Variants in LOXHD1 observed in about 807,000 individuals in gnomAD.
LOXHD1 encodes the protein lipoxygenase homology domain-containing protein 1.
In LOXHD1, 205 loss-of-function variants were observed where a neutral mutation model predicts 248.2. That is an observed-to-expected ratio of 0.83 (90% CI 0.74 to 0.93). LOXHD1 has a LOEUF of 0.93. LOXHD1 is among the 40% of genes least tolerant of loss of function. The probability of loss-of-function intolerance (pLI) is 0.00; values close to 1 mark genes in which losing one functional copy is unlikely to be tolerated. For missense variants in LOXHD1, 2,930 were observed against 2,971.6 expected (o/e 0.99, Z 0.33); for synonymous variants, 1,113 against 1,162.8 (o/e 0.96, Z 0.87).
At chr18:46,531,859 C>T (rs2036087926) in intron 28 of LOXHD1, among the ~76,000 whole-genome samples, 1 of 152,142 alleles carries the variant, frequency 6.6e-6, no homozygotes, top group East Asian at 1.9e-4. Flanking sequence ...GAAGTTATCC[C>T]CAGATTTAAT....
At position 46,601,554 on chromosome 18, in the gene LOXHD1, C is replaced by A. The variant is rs764034738; in HGVS notation, c.884-87G>T. 6 of 1,520,026 alleles carry A rather than the reference C, an allele frequency of 3.9e-6. No homozygotes were observed. The East Asian group carries it at 1.2e-4, about 31-fold the overall frequency. The allele number at this position is 1,520,026 out of a possible 1,614,324, so 94.2% of individuals were successfully genotyped here. On this transcript the variant is annotated intron_variant, in intron 7 of 40. Transcript: ENST00000642948. Reference sequence around the variant, plus strand: ...CCTCCTCCCCTTCCTGGTTACAACACCCCCAAAGCCCTCCTCCTCCACACA... The same window carrying A: ...CCTCCTCCCCTTCCTGGTTACAACAACCCCAAAGCCCTCCTCCTCCACACA...
At chr18:46,559,160 G>A (rs774128233) in intron 20 of LOXHD1, 38 of 1,400,522 alleles carry the variant, frequency 2.7e-5, no homozygotes, top group South Asian at 4.9e-5. Flanking sequence ...TTGAACCCCC[G>A]CATCCCTACC....
At chr18:46,655,547 A>T (rs1212826224) in intron 1 of LOXHD1, among the ~76,000 whole-genome samples, 1 of 152,114 alleles carries the variant, frequency 6.6e-6, no homozygotes, top group Non-Finnish European at 1.5e-5. Flanking sequence ...CTCCCCTCAC[A>T]AGAGGGTCAG....
In LOXHD1 at chr18:46,639,723, T is replaced by A. The variant is rs952465234; in HGVS notation, c.404A>T (p.His135Leu). ...GTTGCAGTTGAAGTAGTAACGGAGA[T>A]GAGGCCTCTTCATGTCGGTCACAAT... is the stretch of plus-strand genomic sequence containing the variant. ...HVIVTDMKRP[H>L]LRYYFNCNNW... Residue 135 changes from histidine (H) to leucine (L), a missense_variant, in exon 4 of 41, where the codon CAT becomes CTT. Physicochemically the swap from His to Leu is moderately conservative, Grantham distance 99 (BLOSUM62 -3). Transcript: ENST00000642948. 7 of 1,551,610 alleles carry A rather than the reference T, an allele frequency of 4.5e-6. No homozygotes were observed. The African/African-American group carries it at 9.6e-5, about 21-fold the overall frequency.
Position 46,477,516 on chromosome 18 carries a change from G to A in LOXHD1, c.6778C>T (p.Arg2260Trp), listed in dbSNP as rs758776787. 4.1e-5 allele frequency: 64 copies of A among 1,550,882 alleles called. No homozygotes were observed. In the African/African-American group the frequency reaches 5.3e-4, roughly 13 times the overall value. ...FNCGRWLDKK[R>W]GDGLTWRDLF... ...TCTCTCCAGGTGAGTCCATCCCCCC[G>A]CTTCTTGTCCAGCCACCTGCCACAG... Residue 2260 changes from arginine (R) to tryptophan (W), a missense_variant, in exon 41 of 41, where the codon CGG becomes TGG. Transcript: ENST00000642948.
In LOXHD1 at chr18:46,560,524, C is replaced by A; in HGVS notation, c.2620G>T (p.Glu874Ter). The A allele has an allele frequency of 1.3e-6, 2 of 1,532,288 alleles. No individual in the cohort carries two copies. The highest frequency in any genetic ancestry group is 1.4e-5 in the African/African-American group (1 of 73,036). 94.9% of individuals were successfully genotyped at this position (1,532,288 alleles called of 1,614,324 possible). Residue 874 changes from glutamate (E) to a stop codon, truncating the protein, a stop_gained, in exon 19 of 41, where the codon GAG becomes TAG. Coordinates refer to ENST00000642948, the MANE Select transcript of LOXHD1 (RefSeq NM_001384474.1). LOFTEE classifies it high-confidence loss of function. ...TFQLEAADVG[E>*]VYKLRLGHTG... Reference sequence around the variant, plus strand: ...TGCCCGAGCCGGAGCTTATAGACCTCGCCCACGTCGGCCGCCTCAAGCTGT... The same window carrying A: ...TGCCCGAGCCGGAGCTTATAGACCTAGCCCACGTCGGCCGCCTCAAGCTGT...
intron 2 of LOXHD1, among the ~76,000 whole-genome samples, chr18:46,643,079 G>A (rs2038983784): frequency 6.6e-6 from 1 of 152,222 alleles, no homozygotes; most frequent in African/African-American, 2.4e-5. Flanking sequence ...GTAATAGACG[G>A]CTTTTAAGGT....
chr18:46,545,791 G>A (rs977512380), intron 22 of LOXHD1, among the ~76,000 whole-genome samples: 4 of 150,452 alleles, frequency 2.7e-5, no homozygotes, highest in Admixed American at 1.3e-4. Flanking sequence ...CACTACGCCC[G>A]GCTAATTTTT....
chr18:46,544,808 A>G (rs146312316), intron 23 of LOXHD1: 126 of 471,370 alleles, frequency 2.7e-4, no homozygotes, highest in African/African-American at 2.3e-3. Context: ...AGGTCCATTT[A>G]TTCTTCAATA....
At chr18:46,501,771 C>G (rs576293181) in intron 37 of LOXHD1, among the ~76,000 whole-genome samples, 1 of 152,118 alleles carries the variant, frequency 6.6e-6, no homozygotes, top group African/African-American at 2.4e-5. Flanking sequence ...ATAGTGAGAG[C>G]CAGCTGTAAT....
In LOXHD1 at chr18:46,557,825, G is replaced by A. The variant is rs2037405448; in HGVS notation, c.3217-336C>T. On this transcript the variant is annotated intron_variant, in intron 20 of 40. Transcript: ENST00000642948. ...GGTGGGTGTTTTGTGTGCAAGAGAG[G>A]GGGGTGCACTGAAACCCTCTGCAAT... 1.1e-5 allele frequency: 14 copies of A among 1,285,762 alleles called. No individual in the cohort carries two copies. The East Asian group carries it at 1.5e-4, about 14-fold the overall frequency. The allele number at this position is 1,285,762 out of a possible 1,614,324, so 79.6% of individuals were successfully genotyped here. A position where few individuals can be genotyped will look rare whatever the true frequency, so the allele number is the denominator to read the frequency against.
chr18:46,582,947 T>C (rs543744259), intron 12 of LOXHD1, among the ~76,000 whole-genome samples: 2 of 152,306 alleles, frequency 1.3e-5, no homozygotes, highest in African/African-American at 4.8e-5. Context: ...GGCTTTCTTA[T>C]CAGCTGGCCT....
At chr18:46,642,088 G>T (rs1275560437) in intron 2 of LOXHD1, 52 bp from the exon 3 acceptor site, 2 of 1,500,656 alleles carry the variant, frequency 1.3e-6, no homozygotes, top group Admixed American at 3.9e-5. Flanking sequence ...TCACAGGCCT[G>T]GGAGGAGAGC....
chr18:46,644,122 T>G (rs1311743193), intron 2 of LOXHD1, among the ~76,000 whole-genome samples: 1 of 152,218 alleles, frequency 6.6e-6, no homozygotes, highest in Non-Finnish European at 1.5e-5. Context: ...AATCCCATGT[T>G]TCAGCAACTC....
chr18:46,585,046 T>A (rs2038034103), intron 12 of LOXHD1, among the ~76,000 whole-genome samples: 1 of 151,872 alleles, frequency 6.6e-6, no homozygotes, highest in South Asian at 2.1e-4. Context: ...ATCAACAAAC[T>A]AGGAATGAAA....
chr18:46,647,429 C>A (rs1219743349), intron 2 of LOXHD1, among the ~76,000 whole-genome samples: 2 of 152,150 alleles, frequency 1.3e-5, no homozygotes, highest in Non-Finnish European at 1.5e-5. Flanking sequence ...CAGTTAGGAC[C>A]ACCATCAAAG....
rs1181635698 is a variant in LOXHD1 at position 46,477,796 on chromosome 18, T to C, written c.6498A>G (p.Pro2166=). 1 of 1,551,872 alleles carries C rather than the reference T, an allele frequency of 6.4e-7. No homozygotes were observed. The highest frequency in any genetic ancestry group is 2.0e-5 in the Admixed American group (1 of 51,012). Residue 2166 remains proline, a synonymous_variant, in exon 41 of 41, where the codon CCA becomes CCG. Transcript: ENST00000642948. ...YEVIVTTGYE[P]GAGTDANVFV... ...AGACGTTGGCATCAGTGCCTGCCCCTGGCTCATAGCCTGTTGTCACGATGA... is the reference window on the plus strand; with the variant it reads ...AGACGTTGGCATCAGTGCCTGCCCCCGGCTCATAGCCTGTTGTCACGATGA...
chr18:46,573,718 C>A (rs2037801440), intron 14 of LOXHD1, among the ~76,000 whole-genome samples: 1 of 152,148 alleles, frequency 6.6e-6, no homozygotes, highest in Admixed American at 6.5e-5. Context: ...GTGGTCTCTC[C>A]CAAACCTTCT....
intron 17 of LOXHD1, among the ~76,000 whole-genome samples, chr18:46,563,671 C>T (rs2037576402): frequency 2.0e-5 from 3 of 152,164 alleles, no homozygotes; most frequent in East Asian, 1.9e-4. Flanking sequence ...ATGTTGAAGC[C>T]ACTAACCCCA....
Sources: allele counts gnomAD v4.1 joint callset (sites outside exome capture counted in the v4.1 genomes callset), GRCh38; gene constraint gnomAD v4.1.1; transcripts MANE v1.5; gene names NCBI Gene and HGNC (gene_info 2026-07-23, HGNC 2026-07-21).